The following CDIN1 variants were observed in gnomAD, a reference collection of about 807,000 sequenced individuals.
CDIN1 encodes CDAN1-interacting nuclease 1.
Under a neutral mutation model 45.3 loss-of-function variants are expected in CDIN1, and 33 were observed. The observed-to-expected ratio is 0.73, with a 90% CI of 0.55 to 0.97. The LOEUF (loss-of-function observed/expected upper bound fraction) is 0.97, where lower values mean the gene tolerates loss of function less well. Ranked by LOEUF, CDIN1 falls within the 50% of genes least tolerant of loss-of-function variation. The probability of loss-of-function intolerance (pLI) is 0.00; values close to 1 mark genes in which losing one functional copy is unlikely to be tolerated. For missense variants in CDIN1, 303 were observed against 339.4 expected (o/e 0.89, Z 0.84); for synonymous variants, 118 against 124.4 (o/e 0.95, Z 0.34).
intron 1 of CDIN1, among the ~76,000 whole-genome samples, chr15:36,636,045 A>T (rs1044196795): frequency 2.0e-5 from 3 of 152,200 alleles, no homozygotes; most frequent in Non-Finnish European, 4.4e-5. Flanking sequence ...AGAAATTATG[A>T]TCGAGCATAT....
intron 10 of CDIN1, among the ~76,000 whole-genome samples, chr15:36,787,295 T>C (rs905672770): frequency 2.0e-5 from 3 of 152,108 alleles, no homozygotes; most frequent in Non-Finnish European, 4.4e-5. Flanking sequence ...CAAAACCAAA[T>C]AGAAATTTCA....
intron 10 of CDIN1, among the ~76,000 whole-genome samples, chr15:36,730,573 G>A (rs983802069): frequency 2.6e-5 from 4 of 152,028 alleles, no homozygotes; most frequent in African/African-American, 9.7e-5. Context: ...AGCATGTTGG[G>A]AATTTACATG....
chr15:36,769,777 A>G (rs2054019942), intron 10 of CDIN1, among the ~76,000 whole-genome samples: 1 of 152,168 alleles, frequency 6.6e-6, no homozygotes, highest in Admixed American at 6.5e-5. Context: ...TTAGAAACCC[A>G]GCTCTCAACC....
At chr15:36,798,312 T>C (rs899843555) in intron 10 of CDIN1, among the ~76,000 whole-genome samples, 11 of 152,234 alleles carry the variant, frequency 7.2e-5, no homozygotes, top group Non-Finnish European at 1.3e-4. Flanking sequence ...TTTCTAATGA[T>C]CTAGACATTT....
At chr15:36,608,480 T>C (rs2038485463) in intron 1 of CDIN1, among the ~76,000 whole-genome samples, 1 of 152,214 alleles carries the variant, frequency 6.6e-6, no homozygotes, top group Non-Finnish European at 1.5e-5. Context: ...TTTGAAGAAA[T>C]GTCTATCTAC....
At chr15:36,620,841 A>G (rs1211364470) in intron 1 of CDIN1, among the ~76,000 whole-genome samples, 1 of 151,994 alleles carries the variant, frequency 6.6e-6, no homozygotes, top group African/African-American at 2.4e-5. Context: ...TGTATTTATC[A>G]CCTTCCTTTC....
In CDIN1 at chr15:36,598,468, T is replaced by C. The variant is rs1452203581; in HGVS notation, c.101+18507T>C. The stretch of plus-strand genomic sequence containing the variant: ...ATGATCAGGCCAACATGCATTCATG[T>C]TTTTTTTTGAAAAGCCCTATTGACC... On this transcript the variant is annotated intron_variant, in intron 1 of 10. Transcript: ENST00000566621. Among the ~76,000 whole-genome samples the C allele has an allele frequency of 2.6e-5, 4 of 151,500 alleles. No homozygotes were observed. In the East Asian group the frequency reaches 7.8e-4, roughly 29 times the overall value.
At chr15:36,631,553 G>A (rs2039679921) in intron 1 of CDIN1, among the ~76,000 whole-genome samples, 2 of 151,986 alleles carry the variant, frequency 1.3e-5, no homozygotes, top group Non-Finnish European at 2.9e-5. Flanking sequence ...ATATTTTACA[G>A]ACTTATCTGA....
chr15:36,664,796 T>C (rs2041183060), intron 5 of CDIN1, among the ~76,000 whole-genome samples: 1 of 152,228 alleles, frequency 6.6e-6, no homozygotes, highest in African/African-American at 2.4e-5. Flanking sequence ...TCCGCCCGCC[T>C]TGGCCTCCCA....
At chr15:36,731,529 C>T (rs979721309) in intron 10 of CDIN1, among the ~76,000 whole-genome samples, 2 of 152,108 alleles carry the variant, frequency 1.3e-5, no homozygotes, top group East Asian at 3.9e-4. Context: ...CTAATTTACA[C>T]TTTTATGTAA....
intron 3 of CDIN1, among the ~76,000 whole-genome samples, chr15:36,650,521 C>T (rs1300276175): frequency 6.6e-6 from 1 of 151,862 alleles, no homozygotes; most frequent in East Asian, 1.9e-4. Context: ...TGGCTCACTG[C>T]AAACTCCACC....
rs376793134 is a variant in CDIN1, at chr15:36,726,767, TAGAG to T, written c.716+16811_716+16814del. On this transcript the variant is annotated intron_variant, in intron 10 of 10. Transcript: ENST00000566621. ...TATACAGCAAATCCATTTGAAATGA[TAGAG>T]AGAGGGTTAAGTCCTGAGTACAGTA... is the stretch of plus-strand genomic sequence containing the variant. Among the ~76,000 whole-genome samples the T allele has an allele frequency of 4.6e-5, 7 of 152,256 alleles. No homozygotes were observed. In the East Asian group the frequency reaches 1.2e-3, roughly 25 times the overall value.
At chr15:36,616,932 T>A (rs2602925) in intron 1 of CDIN1, among the ~76,000 whole-genome samples, 5,225 of 151,364 alleles carry the variant, frequency 0.035, 202 homozygotes, top group African/African-American at 0.09. Flanking sequence ...GTCAAAAAAA[T>A]ATATATATAT....
intron 10 of CDIN1, among the ~76,000 whole-genome samples, chr15:36,806,196 A>G (rs1285339379): frequency 6.6e-6 from 1 of 152,172 alleles, no homozygotes; most frequent in Admixed American, 6.5e-5. Context: ...AGTTGCAGGA[A>G]TATCTGTTGC....
At chr15:36,710,931 T>G (rs1206157988) in intron 10 of CDIN1, among the ~76,000 whole-genome samples, 6 of 152,142 alleles carry the variant, frequency 3.9e-5, no homozygotes, top group Admixed American at 6.6e-5. Flanking sequence ...CTAAGCCCAC[T>G]TTTTGCCATG....
At chr15:36,702,272 G>T in intron 8 of CDIN1, 1 of 632,932 alleles carries the variant, frequency 1.6e-6, no homozygotes, top group Non-Finnish European at 2.8e-6. Context: ...TTTGGGCTCT[G>T]TTCTCCCCTT....
chr15:36,755,907 T>A (rs1054733229), intron 10 of CDIN1: 1 of 338,416 alleles, frequency 3.0e-6, no homozygotes, highest in African/African-American at 2.2e-5. Context: ...AGAATGTAAC[T>A]GAAGAGTGCT....
chr15:36,654,112 TGGTGAAAA>T lies in CDIN1; in HGVS notation c.228_235del (p.Val77TrpfsTer12), dbSNP rs1348375949. ...GTCTTGTCTAGGTACCTGAATGGAGTGGTGAAAAATGGAGCTGCCCCAGTGCTCCTGGA... is the reference window on the plus strand; with the variant it reads ...GTCTTGTCTAGGTACCTGAATGGAGTATGGAGCTGCCCCAGTGCTCCTGGA... On this transcript the variant is annotated frameshift_variant, in exon 4 of 11. Coordinates refer to ENST00000566621, the MANE Select transcript of CDIN1 (RefSeq NM_001321759.2). LOFTEE classifies it high-confidence loss of function. 6.3e-7 allele frequency: 1 copy of T among 1,578,152 alleles called. No individual in the cohort carries two copies. The highest frequency in any genetic ancestry group is 1.8e-5 in the Admixed American group (1 of 54,952).
intron 1 of CDIN1, among the ~76,000 whole-genome samples, chr15:36,620,902 C>A (rs534324073): frequency 2.4e-4 from 36 of 152,040 alleles, no homozygotes; most frequent in Non-Finnish European, 4.7e-4. Context: ...TTCACTGAAA[C>A]AGAACCAGCA....
Sources: gnomAD v4.1 joint callset for allele counts (sites outside exome capture counted in the v4.1 genomes callset) on GRCh38, gnomAD v4.1.1 for gene constraint, MANE v1.5 for transcripts, NCBI Gene and HGNC (gene_info 2026-07-23, HGNC 2026-07-21) for gene names.